Variants in ZNF704 observed in about 807,000 individuals in gnomAD.
ZNF704 encodes the protein zinc finger protein 704.
ZNF704 carries 10 observed loss-of-function variants against 44.7 expected under a neutral mutation model. That is an observed-to-expected ratio of 0.22 (90% confidence interval 0.14 to 0.38). The LOEUF is 0.38. ZNF704 is among the 10% of genes least tolerant of loss of function. The pLI, the probability that ZNF704 is intolerant of heterozygous loss-of-function variation, is 1.00. For synonymous variants in ZNF704, 211 were observed against 207.6 expected (o/e 1.02, Z -0.14); for missense variants, 390 against 545.5 (o/e 0.71, Z 2.84).
At chr8:80,699,609 G>A (rs900970514) in intron 2 of ZNF704, among the ~76,000 whole-genome samples, 2 of 152,080 alleles carry the variant, frequency 1.3e-5, no homozygotes, top group Non-Finnish European at 2.9e-5. Flanking sequence ...AAAAAACTAT[G>A]GCCTGTGGAA....
chr8:80,799,383 C>T (rs1223365431), intron 2 of ZNF704, among the ~76,000 whole-genome samples: 2 of 151,936 alleles, frequency 1.3e-5, no homozygotes, highest in Non-Finnish European at 2.9e-5. Flanking sequence ...GGCTTATTTC[C>T]CTTGAGTCTA....
chr8:80,728,014 A>C (rs1010308221), intron 2 of ZNF704, among the ~76,000 whole-genome samples: 1 of 152,220 alleles, frequency 6.6e-6, no homozygotes, highest in East Asian at 1.9e-4. Context: ...CATGAGTTAC[A>C]GTCTGTGTGA....
At chr8:80,872,434 T>G (rs1330722590) in intron 1 of ZNF704, among the ~76,000 whole-genome samples, 3 of 152,240 alleles carry the variant, frequency 2.0e-5, no homozygotes, top group Non-Finnish European at 1.5e-5. Context: ...AGGAGCTTTT[T>G]TTGGTGAGCC....
intron 2 of ZNF704, among the ~76,000 whole-genome samples, chr8:80,803,345 T>C (rs1320888686): frequency 2.0e-5 from 3 of 152,178 alleles, no homozygotes; most frequent in African/African-American, 7.2e-5. Flanking sequence ...ATTTTAAATT[T>C]CATATGGATT....
chr8:80,722,091 G>A (rs1459666468), intron 2 of ZNF704, among the ~76,000 whole-genome samples: 2 of 152,022 alleles, frequency 1.3e-5, no homozygotes, highest in African/African-American at 2.4e-5. Flanking sequence ...ACAAAAAAAC[G>A]TAGCTGGGAG....
At position 80,638,083 on chromosome 8, in the gene ZNF704, C is replaced by G. The variant is rs1251953536; in HGVS notation, c.*3283G>C. The stretch of plus-strand genomic sequence containing the variant: ...TCCACAGCCCTCTTGTACCTCCCCC[C>G]TGACTCCCTTGCTACCTGTGTGTTT... On this transcript the variant is annotated 3_prime_UTR_variant, in exon 9 of 9. Transcript: ENST00000327835. 1.3e-5 allele frequency: 2 copies of G among 152,470 alleles called. No homozygotes were observed. The highest frequency in any genetic ancestry group is 2.9e-5 in the Non-Finnish European group (2 of 68,246). 9.4% of individuals were successfully genotyped at this position (152,470 alleles called of 1,614,324 possible).
chr8:80,879,922 GA>G, the ZNF704 span, among the ~76,000 whole-genome samples: 1 of 151,686 alleles, frequency 6.6e-6, no homozygotes, highest in African/African-American at 2.4e-5. Context: ...TCACACTAAA[GA>G]AAAAAAACAG....
intron 2 of ZNF704, among the ~76,000 whole-genome samples, chr8:80,811,332 T>G (rs190861728): frequency 1.4e-4 from 21 of 152,352 alleles, no homozygotes; most frequent in African/African-American, 5.0e-4. Context: ...TTTTTGCCTG[T>G]TTCTTTTTCC....
At chr8:80,767,074 T>C (rs1225209265) in intron 2 of ZNF704, among the ~76,000 whole-genome samples, 1 of 152,070 alleles carries the variant, frequency 6.6e-6, no homozygotes, top group Non-Finnish European at 1.5e-5. Context: ...CTTTCCACAA[T>C]AAAAGTCCAT....
intron 7 of ZNF704, among the ~76,000 whole-genome samples, chr8:80,649,737 G>T (rs1817886283): frequency 6.6e-6 from 1 of 152,230 alleles, no homozygotes; most frequent in African/African-American, 2.4e-5. Context: ...ACCTCTGGGG[G>T]CAGGGCATAG....
At chr8:80,647,977 G>A (rs544225741) in intron 7 of ZNF704, among the ~76,000 whole-genome samples, 3 of 152,326 alleles carry the variant, frequency 2.0e-5, no homozygotes, top group Admixed American at 2.0e-4. Context: ...AGGCTGGAAA[G>A]TCCAAGGTTG....
chr8:80,693,169 G>T, intron 2 of ZNF704, 62 bp from the exon 3 acceptor site: 1 of 1,397,130 alleles, frequency 7.2e-7, no homozygotes, highest in South Asian at 1.2e-5. Context: ...GCCACACAAG[G>T]TGTGACACGC....
chr8:80,632,703 AT>A lies in ZNF704; in HGVS notation c.*8662del, dbSNP rs1817606430. On this transcript the variant is annotated 3_prime_UTR_variant, in exon 9 of 9. Transcript: ENST00000327835. ...AAACAAGGACTACAGTTTAATCACCATCTCTGCCTCCTTTCAAAATCTGTGG... is the reference window on the plus strand; with the variant it reads ...AAACAAGGACTACAGTTTAATCACCACTCTGCCTCCTTTCAAAATCTGTGG... The A allele has an allele frequency of 6.6e-6, 1 of 152,144 alleles. No individual in the cohort carries two copies. Among genetic ancestry groups the A allele is most frequent in the Non-Finnish European group, 1.5e-5 (1 of 68,038 alleles). 9.4% of individuals were successfully genotyped at this position (152,144 alleles called of 1,614,324 possible). A position where few individuals can be genotyped will look rare whatever the true frequency, so the allele number is the denominator to read the frequency against.
intron 2 of ZNF704, among the ~76,000 whole-genome samples, chr8:80,795,666 C>T (rs1368819850): frequency 2.0e-5 from 3 of 150,516 alleles, no homozygotes; most frequent in African/African-American, 4.9e-5. Context: ...TGCAGTGAGC[C>T]GAGATCGTGC....
At chr8:80,878,579 A>C (rs1468094661), upstream of ZNF704, among the ~76,000 whole-genome samples, 7 of 152,336 alleles carry the variant, frequency 4.6e-5, no homozygotes, top group East Asian at 1.2e-3. Flanking sequence ...AGATTAGCTT[A>C]GTTTTTCCAC....
chr8:80,847,401 T>C (rs952870224), intron 1 of ZNF704, among the ~76,000 whole-genome samples: 5 of 152,162 alleles, frequency 3.3e-5, no homozygotes, highest in African/African-American at 1.2e-4. Flanking sequence ...TCAATTCTCC[T>C]AAATTTATTT....
chr8:80,822,277 C>G (rs941976691), intron 1 of ZNF704, among the ~76,000 whole-genome samples: 3 of 151,186 alleles, frequency 2.0e-5, no homozygotes, highest in African/African-American at 7.4e-5. Flanking sequence ...CCCCCCGCCC[C>G]CAACCCATGA....
intron 4 of ZNF704, among the ~76,000 whole-genome samples, chr8:80,671,636 C>T (rs1818282942): frequency 6.6e-6 from 1 of 152,124 alleles, no homozygotes; most frequent in Admixed American, 6.5e-5. Flanking sequence ...CTTGGGATGC[C>T]ACCTCTTTGC....
chr8:80,761,723 ACACT>A (rs952884012), intron 2 of ZNF704, among the ~76,000 whole-genome samples: 1 of 152,246 alleles, frequency 6.6e-6, no homozygotes, highest in Non-Finnish European at 1.5e-5. Context: ...GTAAGCATAA[ACACT>A]CAGGTATACT....
Sources: gnomAD v4.1 joint callset for allele counts (sites outside exome capture counted in the v4.1 genomes callset) on GRCh38, gnomAD v4.1.1 for gene constraint, MANE v1.5 for transcripts, NCBI Gene and HGNC (gene_info 2026-07-23, HGNC 2026-07-21) for gene names.